The following FSTL5 variants were observed in gnomAD, a reference collection of about 807,000 sequenced individuals.
The protein encoded by FSTL5 is follistatin like 5.
In FSTL5, 62 loss-of-function variants were observed where a neutral mutation model predicts 89.1. That is an observed-to-expected ratio of 0.70 (90% CI 0.57 to 0.86). The LOEUF (loss-of-function observed/expected upper bound fraction) is 0.86. Ranked by LOEUF, FSTL5 falls within the 40% of genes least tolerant of loss-of-function variation. The pLI, the probability that FSTL5 is intolerant of heterozygous loss-of-function variation, is 0.00. For missense variants in FSTL5, 1,057 were observed against 1,001.6 expected (o/e 1.06, Z -0.75); for synonymous variants, 383 against 346.2 (o/e 1.11, Z -1.18).
chr4:161,884,157 C>A (rs1344801237), intron 4 of FSTL5, among the ~76,000 whole-genome samples: 1 of 152,032 alleles, frequency 6.6e-6, no homozygotes, highest in Admixed American at 6.6e-5. Flanking sequence ...TCAAGTGATT[C>A]TCCTGCCTCA....
intron 10 of FSTL5, among the ~76,000 whole-genome samples, chr4:161,537,290 A>C (rs150545935): frequency 1.3e-5 from 2 of 152,280 alleles, no homozygotes; most frequent in East Asian, 3.9e-4. Flanking sequence ...CTTGCAAAAC[A>C]TATATTAATA....
chr4:161,968,389 G>A (rs1490736644), intron 3 of FSTL5, among the ~76,000 whole-genome samples: 2 of 151,950 alleles, frequency 1.3e-5, no homozygotes, highest in Non-Finnish European at 2.9e-5. Context: ...TGATAACTAT[G>A]TCTATAAAAG....
At chr4:162,056,742 G>C (rs901597786) in intron 2 of FSTL5, among the ~76,000 whole-genome samples, 2 of 152,106 alleles carry the variant, frequency 1.3e-5, no homozygotes, top group African/African-American at 4.8e-5. Flanking sequence ...CTCAAGTAAG[G>C]AATATAACTG....
At chr4:162,160,399 G>T (rs1407783766) in intron 1 of FSTL5, among the ~76,000 whole-genome samples, 2 of 151,834 alleles carry the variant, frequency 1.3e-5, no homozygotes, top group African/African-American at 4.8e-5. Context: ...ATACCCAAAA[G>T]ATTTTGGAGG....
intron 6 of FSTL5, among the ~76,000 whole-genome samples, chr4:161,663,504 C>T (rs1266354212): frequency 6.6e-6 from 1 of 152,158 alleles, no homozygotes; most frequent in East Asian, 1.9e-4. Context: ...TCCTTTGACT[C>T]CAGGTCTCAC....
At chr4:162,135,615 G>C (rs17042027) in intron 1 of FSTL5, among the ~76,000 whole-genome samples, 35,320 of 151,728 alleles carry the variant, frequency 0.23, 4,303 homozygotes, top group Non-Finnish European at 0.26. Context: ...TTAATGAATG[G>C]CCCCTCTTAC....
intron 8 of FSTL5, among the ~76,000 whole-genome samples, chr4:161,570,251 T>C (rs1187172516): frequency 1.3e-5 from 2 of 152,014 alleles, no homozygotes; most frequent in African/African-American, 2.4e-5. Flanking sequence ...AATAGTGTAG[T>C]CTGGGTAAGC....
At chr4:161,622,843 A>G (rs1240135176) in intron 7 of FSTL5, among the ~76,000 whole-genome samples, 2 of 152,132 alleles carry the variant, frequency 1.3e-5, no homozygotes, top group Non-Finnish European at 2.9e-5. Flanking sequence ...TGTGTATTTA[A>G]GTAGTACAAT....
At chr4:161,976,982 A>G (rs1423673155) in intron 3 of FSTL5, among the ~76,000 whole-genome samples, 2 of 152,170 alleles carry the variant, frequency 1.3e-5, no homozygotes, top group African/African-American at 2.4e-5. Context: ...GGTGACTATA[A>G]TGGCTATCTT....
intron 13 of FSTL5, among the ~76,000 whole-genome samples, chr4:161,464,724 C>T (rs369060201): frequency 1.3e-4 from 19 of 151,984 alleles, no homozygotes; most frequent in East Asian, 1.2e-3. Context: ...AATTGTAAAA[C>T]GTAAGTTGCA....
intron 14 of FSTL5, among the ~76,000 whole-genome samples, chr4:161,456,435 T>A (rs1240843927): frequency 6.6e-6 from 1 of 152,160 alleles, no homozygotes; most frequent in Non-Finnish European, 1.5e-5. Flanking sequence ...CTTTCGTATT[T>A]GACGAAGACG....
rs572874931 is a variant in FSTL5, at chr4:161,828,683, A to G, written c.410-52609T>C. 2.0e-5 allele frequency among the ~76,000 whole-genome samples: 3 copies of G among 152,318 alleles called. No homozygotes were observed. The East Asian group carries it at 5.8e-4, about 29-fold the overall frequency. The stretch of plus-strand genomic sequence containing the variant: ...TTTTCCTCTGGGGATTGAGTCATAT[A>G]TCATTAACTTAGGCTAAGATTTAGT... On this transcript the variant is annotated intron_variant, in intron 4 of 15. Transcript: ENST00000306100.
rs1327704526 is a variant in FSTL5, at chr4:162,163,962, A to G, written c.-364T>C. The G allele has an allele frequency of 6.6e-6, 1 of 152,402 alleles. No homozygotes were observed. The highest frequency in any genetic ancestry group is 1.5e-5 in the Non-Finnish European group (1 of 68,214). The allele number at this position is 152,402 out of a possible 1,614,324, so 9.4% of individuals were successfully genotyped here. Reference sequence around the variant, plus strand: ...GTTCAGCACCGACAGCACAGTGGACAGTACCAGCTCCTTTCACCTCCAGTT... The same window carrying G: ...GTTCAGCACCGACAGCACAGTGGACGGTACCAGCTCCTTTCACCTCCAGTT... On this transcript the variant is annotated 5_prime_UTR_variant, in exon 1 of 16. Transcript: ENST00000306100.
At position 161,684,466 on chromosome 4, in the gene FSTL5, C is replaced by T. The variant is rs984955152; in HGVS notation, c.728-27972G>A. Among the ~76,000 whole-genome samples the T allele has an allele frequency of 5.3e-5, 8 of 151,958 alleles. No individual in the cohort carries two copies. In the East Asian group the frequency reaches 1.5e-3, roughly 29 times the overall value. On this transcript the variant is annotated intron_variant, in intron 6 of 15. Coordinates refer to ENST00000306100, the MANE Select transcript of FSTL5 (RefSeq NM_020116.5). ...GTTTTTTGATTACGGTCATTCTTGC[C>T]GGAGTTAGGTTGAATAGCATTGTGG...
intron 8 of FSTL5, among the ~76,000 whole-genome samples, chr4:161,581,790 G>A (rs1213149972): frequency 6.6e-6 from 1 of 152,198 alleles, no homozygotes; most frequent in Non-Finnish European, 1.5e-5. Context: ...TTATGTATGA[G>A]GGCTTAAATA....
At chr4:161,984,618 G>A (rs1195378262) in intron 3 of FSTL5, among the ~76,000 whole-genome samples, 1 of 151,922 alleles carries the variant, frequency 6.6e-6, no homozygotes, top group Non-Finnish European at 1.5e-5. Context: ...TAACTCCTGG[G>A]CTCAAGCAGT....
At chr4:162,102,353 C>G (rs1731029270) in intron 2 of FSTL5, among the ~76,000 whole-genome samples, 1 of 151,454 alleles carries the variant, frequency 6.6e-6, no homozygotes, top group Non-Finnish European at 1.5e-5. Context: ...AAATATGCAT[C>G]AGCATTCTAT....
chr4:161,593,456 T>A lies in FSTL5; in HGVS notation c.895-5881A>T, dbSNP rs1243662547. On this transcript the variant is annotated intron_variant, in intron 7 of 15. Transcript: ENST00000306100. Reference sequence around the variant, plus strand: ...GATTATGGAGCTATTGAATCTGACCTTGAAAATGATAAAAATCTTCTGACA... The same window carrying A: ...GATTATGGAGCTATTGAATCTGACCATGAAAATGATAAAAATCTTCTGACA... 2.6e-5 allele frequency among the ~76,000 whole-genome samples: 4 copies of A among 151,406 alleles called. No homozygotes were observed. The East Asian group carries it at 5.9e-4, about 22-fold the overall frequency.
intron 15 of FSTL5, among the ~76,000 whole-genome samples, chr4:161,450,673 A>G (rs146628824): frequency 1.8e-3 from 276 of 152,188 alleles, no homozygotes; most frequent in African/African-American, 6.4e-3. Context: ...TGATTTTAGA[A>G]GGTAATGTAT....
Sources: gnomAD v4.1 joint callset for allele counts (sites outside exome capture counted in the v4.1 genomes callset) on GRCh38, gnomAD v4.1.1 for gene constraint, MANE v1.5 for transcripts, NCBI Gene and HGNC (gene_info 2026-07-23, HGNC 2026-07-21) for gene names.